The following EYA1 variants were observed in gnomAD, a reference collection of about 807,000 sequenced individuals.
The protein encoded by EYA1 is EYA transcriptional coactivator and phosphatase 1.
Under a neutral mutation model 82.0 loss-of-function variants are expected in EYA1, and 16 were observed. That is an observed-to-expected ratio of 0.20 (90% CI 0.13 to 0.30). The LOEUF is 0.30. Among genes scored for constraint, EYA1 ranks in the 10% least tolerant of loss-of-function variants. The pLI, the probability that EYA1 is intolerant of heterozygous loss-of-function variation, is 1.00. For missense variants in EYA1, 633 were observed against 730.7 expected (o/e 0.87, Z 1.54); for synonymous variants, 261 against 264.4 (o/e 0.99, Z 0.12).
intron 1 of EYA1, among the ~76,000 whole-genome samples, chr8:71,543,693 A>G (rs1311055735): frequency 6.6e-6 from 1 of 152,202 alleles, no homozygotes; most frequent in Non-Finnish European, 1.5e-5. Flanking sequence ...TTCAACATCC[A>G]ACAATATTCA....
intron 2 of EYA1, among the ~76,000 whole-genome samples, chr8:71,401,950 T>G (rs1021658675): frequency 6.6e-6 from 1 of 152,214 alleles, no homozygotes; most frequent in Non-Finnish European, 1.5e-5. Context: ...GGATTAAGGA[T>G]GCCAGTGATA....
intron 2 of EYA1, among the ~76,000 whole-genome samples, chr8:71,416,939 A>G (rs1366761353): frequency 6.6e-6 from 1 of 152,082 alleles, no homozygotes; most frequent in African/African-American, 2.4e-5. Flanking sequence ...ATTTGAGTCA[A>G]TGGACTGGGA....
chr8:71,425,443 A>AT (rs1170988238), intron 2 of EYA1, among the ~76,000 whole-genome samples: 1 of 152,120 alleles, frequency 6.6e-6, no homozygotes, highest in African/African-American at 2.4e-5. Context: ...TGTTCCCCTT[A>AT]TTTTTTTAAC....
intron 2 of EYA1, among the ~76,000 whole-genome samples, chr8:71,439,836 GACTT>G (rs1370351264): frequency 6.6e-6 from 1 of 152,100 alleles, no homozygotes; most frequent in Admixed American, 6.6e-5. Context: ...CTAGCTGTGG[GACTT>G]AGCTCTGATA....
chr8:71,378,890 A>G (rs1346959086), intron 2 of EYA1, among the ~76,000 whole-genome samples: 1 of 152,254 alleles, frequency 6.6e-6, no homozygotes, highest in Non-Finnish European at 1.5e-5. Flanking sequence ...AAAGAAGTGA[A>G]TGAAATTTTT....
intron 2 of EYA1, among the ~76,000 whole-genome samples, chr8:71,523,174 TTTTTC>T (rs765889503): frequency 0.12 from 10,346 of 89,162 alleles, 592 homozygotes; most frequent in East Asian, 0.38. Flanking sequence ...TTCTTTTTTC[TTTTTC>T]TTTTTTTTTT....
intron 2 of EYA1, among the ~76,000 whole-genome samples, chr8:71,496,427 G>T (rs1392873747): frequency 1.3e-5 from 2 of 152,002 alleles, no homozygotes; most frequent in African/African-American, 4.8e-5. Context: ...AAACAGGAAG[G>T]GTTTCTGAAT....
At chr8:71,494,683 G>A (rs948294110) in intron 2 of EYA1, among the ~76,000 whole-genome samples, 11 of 152,190 alleles carry the variant, frequency 7.2e-5, no homozygotes, top group African/African-American at 2.6e-4. Context: ...GGTAAATGAA[G>A]ACAAGGCCTA....
chr8:71,321,626 C>T, intron 6 of EYA1, 108 bp downstream of exon 6: 11 of 1,372,114 alleles, frequency 8.0e-6, no homozygotes, highest in Non-Finnish European at 1.1e-5. Context: ...CAGAAGGTGA[C>T]AACACGTTCT....
At chr8:71,486,740 TTC>T (rs1374238818) in intron 2 of EYA1, among the ~76,000 whole-genome samples, 1 of 152,036 alleles carries the variant, frequency 6.6e-6, no homozygotes, top group Non-Finnish European at 1.5e-5. Flanking sequence ...AAGGGTGAGG[TTC>T]TAAGAAAGCA....
chr8:71,541,908 C>T (rs187282851), intron 1 of EYA1, among the ~76,000 whole-genome samples: 281 of 152,256 alleles, frequency 1.8e-3, no homozygotes, highest in Non-Finnish European at 3.6e-3. Flanking sequence ...CCTACTAAGT[C>T]TACAGGATCA....
At chr8:71,209,255 T>C (rs372288490) in intron 17 of EYA1, among the ~76,000 whole-genome samples, 70 of 152,318 alleles carry the variant, frequency 4.6e-4, no homozygotes, top group African/African-American at 1.7e-3. Flanking sequence ...TCCAGGATTG[T>C]GTTTTGAGGA....
chr8:71,292,989 G>GA (rs1819174621), intron 9 of EYA1, among the ~76,000 whole-genome samples: 1 of 151,978 alleles, frequency 6.6e-6, no homozygotes, highest in African/African-American at 2.4e-5. Flanking sequence ...AAACAACAGA[G>GA]AAAATCAATG....
At chr8:71,379,944 A>G (rs1293582805) in intron 2 of EYA1, among the ~76,000 whole-genome samples, 3 of 152,210 alleles carry the variant, frequency 2.0e-5, no homozygotes, top group Non-Finnish European at 4.4e-5. Flanking sequence ...CACTCTATAA[A>G]AAGAGCAGGA....
chr8:71,490,337 G>A (rs1370392091), intron 2 of EYA1, among the ~76,000 whole-genome samples: 1 of 152,132 alleles, frequency 6.6e-6, no homozygotes, highest in Non-Finnish European at 1.5e-5. Flanking sequence ...AAGGTTTCTT[G>A]ATTTGCTTAA....
intron 17 of EYA1, among the ~76,000 whole-genome samples, chr8:71,199,661 C>T (rs1384619284): frequency 6.0e-5 from 9 of 150,814 alleles, no homozygotes; most frequent in Non-Finnish European, 1.3e-4. Context: ...TGGATATTTC[C>T]TAACTGGATC....
upstream of EYA1, among the ~76,000 whole-genome samples, chr8:71,367,018 T>C (rs1827797255): frequency 6.6e-6 from 1 of 152,192 alleles, no homozygotes; most frequent in South Asian, 2.1e-4. Flanking sequence ...CAAGTTACTT[T>C]AAGGATGCAA....
At chr8:71,367,270 CTTAAT>C (rs1341025064) in intron 2 of EYA1, among the ~76,000 whole-genome samples, 2 of 152,200 alleles carry the variant, frequency 1.3e-5, no homozygotes, top group Non-Finnish European at 2.9e-5. Flanking sequence ...TTTTACCTTT[CTTAAT>C]TTCAGTTACC....
chr8:71,403,598 A>T (rs1586644339), intron 2 of EYA1: 1 of 152,306 alleles, frequency 6.6e-6, no homozygotes, highest in East Asian at 1.9e-4. Context: ...CAAAAATGGG[A>T]TCTACTTGAT....
Sources: gnomAD v4.1 joint callset for allele counts (sites outside exome capture counted in the v4.1 genomes callset) on GRCh38, gnomAD v4.1.1 for gene constraint, MANE v1.5 for transcripts, NCBI Gene and HGNC (gene_info 2026-07-23, HGNC 2026-07-21) for gene names.